MAGI2: variants seen among roughly 807,000 people sequenced by gnomAD.
The protein encoded by MAGI2 is membrane associated guanylate kinase, WW and PDZ domain containing 2.
A neutral mutation model predicts 133.3 loss-of-function variants in MAGI2; 35 were observed. The observed-to-expected ratio is 0.26, with a 90% CI of 0.20 to 0.35. The LOEUF is 0.35. Ranked by LOEUF, MAGI2 falls within the 10% of genes least tolerant of loss-of-function variation. The probability of loss-of-function intolerance (pLI) is 1.00; values close to 1 mark genes in which losing one functional copy is unlikely to be tolerated. For missense variants in MAGI2, 1,636 were observed against 1,863.4 expected, an observed-to-expected ratio of 0.88 and a Z score of 2.25; for synonymous variants, 729 against 710.6, an observed-to-expected ratio of 1.03 and a Z score of -0.41.
At chr7:78,207,866 T>TTTGTTG (rs879782333) in intron 10 of MAGI2, among the ~76,000 whole-genome samples, 9 of 152,074 alleles carry the variant, frequency 5.9e-5, no homozygotes, top group Non-Finnish European at 1.0e-4. Flanking sequence ...AGAATCCATT[T>TTTGTTG]TTGTTGTTGT....
intron 4 of MAGI2, among the ~76,000 whole-genome samples, chr7:78,505,535 T>C (rs7799359): frequency 0.018 from 2,782 of 152,276 alleles, 79 homozygotes; most frequent in African/African-American, 0.064. Context: ...ACATGGAACA[T>C]ACAAAATGTC....
At chr7:78,967,861 C>A (rs898854701) in intron 2 of MAGI2, among the ~76,000 whole-genome samples, 3 of 152,018 alleles carry the variant, frequency 2.0e-5, no homozygotes. Context: ...GATGGAGTCT[C>A]GCTCTGTCAC....
intron 1 of MAGI2, among the ~76,000 whole-genome samples, chr7:79,243,683 C>T (rs187026948): frequency 2.0e-5 from 3 of 152,284 alleles, no homozygotes; most frequent in Admixed American, 2.0e-4. Flanking sequence ...CTTACTGCTG[C>T]TGATTTTGAA....
chr7:79,100,813 A>G (rs1817911067), intron 1 of MAGI2, among the ~76,000 whole-genome samples: 1 of 151,882 alleles, frequency 6.6e-6, no homozygotes, highest in Admixed American at 6.6e-5. Context: ...AGTTATTTCC[A>G]AAATATTTTA....
chr7:79,173,912 G>A (rs1377603481), intron 1 of MAGI2, among the ~76,000 whole-genome samples: 3 of 151,944 alleles, frequency 2.0e-5, no homozygotes, highest in Non-Finnish European at 4.4e-5. Context: ...AGAATTCAGT[G>A]TGTCATATTT....
At chr7:79,404,489 C>A (rs1432632104) in intron 1 of MAGI2, among the ~76,000 whole-genome samples, 1 of 152,122 alleles carries the variant, frequency 6.6e-6, no homozygotes, top group Admixed American at 6.6e-5. Context: ...GTGTGACCCA[C>A]CGTGTTCAGC....
intron 1 of MAGI2, among the ~76,000 whole-genome samples, chr7:79,345,559 T>G (rs1171383186): frequency 6.6e-6 from 1 of 152,112 alleles, no homozygotes; most frequent in Non-Finnish European, 1.5e-5. Flanking sequence ...TAAGGTTAGA[T>G]TTTGATGTTC....
intron 2 of MAGI2, among the ~76,000 whole-genome samples, chr7:78,866,046 G>T (rs559402712): frequency 3.9e-5 from 6 of 152,136 alleles, no homozygotes; most frequent in East Asian, 1.9e-4. Context: ...CTGCTTACAA[G>T]TTAATTCTGA....
intron 1 of MAGI2, among the ~76,000 whole-genome samples, chr7:79,171,770 A>ATATATATATATTTTTTTTTTTT: frequency 4.2e-4 from 13 of 31,220 alleles, no homozygotes; most frequent in Non-Finnish European, 8.9e-4. Flanking sequence ...ATATATATAT[A>ATATATATATATTTTTTTTTTTT]TTTTTTTTTT....
intron 1 of MAGI2, among the ~76,000 whole-genome samples, chr7:79,102,951 C>T (rs1214541844): frequency 6.6e-6 from 1 of 152,116 alleles, no homozygotes; most frequent in African/African-American, 2.4e-5. Context: ...AGTTGAAGGG[C>T]CTTTTAAGCA....
intron 6 of MAGI2, among the ~76,000 whole-genome samples, chr7:78,442,678 T>A (rs1193635082): frequency 6.6e-6 from 1 of 152,220 alleles, no homozygotes; most frequent in African/African-American, 2.4e-5. Flanking sequence ...ATCCCCTAAA[T>A]AACAAGCTCA....
intron 1 of MAGI2, among the ~76,000 whole-genome samples, chr7:79,321,753 A>G (rs1245890273): frequency 1.3e-5 from 2 of 152,170 alleles, no homozygotes; most frequent in Non-Finnish European, 2.9e-5. Context: ...GAAAAATACA[A>G]TCTGTAAGAA....
At chr7:78,575,311 TATG>T (rs1354898058) in intron 3 of MAGI2, among the ~76,000 whole-genome samples, 1 of 150,114 alleles carries the variant, frequency 6.7e-6, no homozygotes, top group Non-Finnish European at 1.5e-5. Context: ...CGGCAAAAAC[TATG>T]ATTACTTTTT....
intron 21 of MAGI2, among the ~76,000 whole-genome samples, chr7:78,075,320 T>C (rs528326575): frequency 6.6e-6 from 1 of 152,118 alleles, no homozygotes; most frequent in Non-Finnish European, 1.5e-5. Flanking sequence ...AGACCCCGCC[T>C]GTGTCTTTTC....
intron 2 of MAGI2, among the ~76,000 whole-genome samples, chr7:78,824,367 G>A (rs112432996): frequency 0.024 from 3,707 of 152,264 alleles, 145 homozygotes; most frequent in African/African-American, 0.084. Flanking sequence ...CTTCCACAGT[G>A]GTTGAACTAA....
At chr7:78,071,981 G>A (rs936740784) in intron 21 of MAGI2, among the ~76,000 whole-genome samples, 2 of 152,174 alleles carry the variant, frequency 1.3e-5, no homozygotes, top group East Asian at 1.9e-4. Flanking sequence ...AGTGGTGACC[G>A]TCCTTTGTCT....
chr7:79,011,353 T>C (rs572467034), intron 1 of MAGI2, among the ~76,000 whole-genome samples: 2 of 152,244 alleles, frequency 1.3e-5, no homozygotes, highest in African/African-American at 4.8e-5. Flanking sequence ...CCTTGGTATA[T>C]TCCTTAAGGC....
intron 1 of MAGI2, among the ~76,000 whole-genome samples, chr7:79,084,704 CTAAGT>C (rs2129542112): frequency 6.6e-6 from 1 of 151,856 alleles, no homozygotes; most frequent in South Asian, 2.1e-4. Flanking sequence ...TGATCTTCTA[CTAAGT>C]TATGTCCATT....
chr7:78,854,257 G>A (rs1793428932), intron 2 of MAGI2, among the ~76,000 whole-genome samples: 1 of 152,042 alleles, frequency 6.6e-6, no homozygotes, highest in South Asian at 2.1e-4. Context: ...TAATTTTAAA[G>A]CATTTCTTAA....
Sources: gnomAD v4.1 joint callset for allele counts (sites outside exome capture counted in the v4.1 genomes callset) on GRCh38, gnomAD v4.1.1 for gene constraint, MANE v1.5 for transcripts, NCBI Gene and HGNC (gene_info 2026-07-23, HGNC 2026-07-21) for gene names.